FBXL7: variants seen among roughly 807,000 people sequenced by gnomAD.
FBXL7 encodes the protein F-box and leucine rich repeat protein 7.
In FBXL7, 12 loss-of-function variants were observed where a neutral mutation model predicts 38.3. That is an observed-to-expected ratio of 0.31 (90% CI 0.20 to 0.51). The LOEUF is 0.51. Ranked by LOEUF, FBXL7 falls within the 20% of genes least tolerant of loss-of-function variation. FBXL7 has a pLI of 0.98. For missense variants in FBXL7, 567 were observed against 676.4 expected (o/e 0.84, Z 1.79); for synonymous variants, 297 against 300.9 (o/e 0.99, Z 0.13).
At chr5:15,659,558 G>A (rs1014864261) in intron 2 of FBXL7, among the ~76,000 whole-genome samples, 6 of 152,030 alleles carry the variant, frequency 3.9e-5, no homozygotes, top group African/African-American at 1.2e-4. Context: ...ACAAAAACAT[G>A]GGGATTTAAA....
intron 2 of FBXL7, 54 bp downstream of exon 2, chr5:15,616,126 T>C: frequency 7.7e-7 from 1 of 1,296,526 alleles, no homozygotes; most frequent in Admixed American, 1.8e-5. Context: ...CTGGCTATTT[T>C]TGGAACAGAA....
intron 2 of FBXL7, among the ~76,000 whole-genome samples, chr5:15,702,448 T>C (rs1743555918): frequency 6.6e-6 from 1 of 152,190 alleles, no homozygotes; most frequent in South Asian, 2.1e-4. Flanking sequence ...ATTGAGTGTC[T>C]GGGAGAACTA....
intron 1 of FBXL7, among the ~76,000 whole-genome samples, chr5:15,541,181 A>G (rs1193504879): frequency 6.6e-6 from 1 of 151,592 alleles, no homozygotes; most frequent in East Asian, 1.9e-4. Context: ...ATCCTCCAGC[A>G]TGAATCTCTT....
At chr5:15,807,253 C>T (rs1201310024) in intron 2 of FBXL7, among the ~76,000 whole-genome samples, 1 of 152,148 alleles carries the variant, frequency 6.6e-6, no homozygotes, top group Non-Finnish European at 1.5e-5. Context: ...GATTGCGTTT[C>T]TAAACAGTAA....
intron 2 of FBXL7, among the ~76,000 whole-genome samples, chr5:15,801,207 C>T (rs764302517): frequency 7.9e-5 from 12 of 152,168 alleles, no homozygotes; most frequent in African/African-American, 9.6e-5. Flanking sequence ...TACCTGGGTC[C>T]GTGTTTGATT....
chr5:15,800,647 G>A (rs141351273), intron 2 of FBXL7, among the ~76,000 whole-genome samples: 1 of 152,134 alleles, frequency 6.6e-6, no homozygotes, highest in African/African-American at 2.4e-5. Flanking sequence ...ACTCAATAAG[G>A]TGAAACATAT....
chr5:15,583,324 C>G lies in FBXL7; in HGVS notation c.38-32659C>G, dbSNP rs182244634. 8.5e-5 allele frequency among the ~76,000 whole-genome samples: 13 copies of G among 152,266 alleles called. No homozygotes were observed. In the East Asian group the frequency reaches 2.5e-3, roughly 29 times the overall value. ...AGAACCAAACCATATCATTCTGCTC[C>G]TGGCCCCTCCCAAATCTCTTTCCAA... On this transcript the variant is annotated intron_variant, in intron 1 of 3. Coordinates refer to ENST00000504595, the MANE Select transcript of FBXL7 (RefSeq NM_012304.5).
At chr5:15,772,435 T>G (rs561259770) in intron 2 of FBXL7, among the ~76,000 whole-genome samples, 1 of 152,176 alleles carries the variant, frequency 6.6e-6, no homozygotes, top group Non-Finnish European at 1.5e-5. Context: ...ACCCTCTCTT[T>G]CCATGGCATA....
chr5:15,836,401 A>G (rs1738594064), intron 2 of FBXL7, among the ~76,000 whole-genome samples: 1 of 152,220 alleles, frequency 6.6e-6, no homozygotes, highest in African/African-American at 2.4e-5. Context: ...AAGAAAAAGA[A>G]AAACTAGATC....
chr5:15,644,174 T>C (rs761297534), intron 2 of FBXL7, among the ~76,000 whole-genome samples: 1 of 151,860 alleles, frequency 6.6e-6, no homozygotes, highest in Non-Finnish European at 1.5e-5. Flanking sequence ...AAAATGATAA[T>C]GACGCCAGGC....
intron 3 of FBXL7, among the ~76,000 whole-genome samples, chr5:15,930,110 G>T (rs192491012): frequency 1.3e-5 from 2 of 152,310 alleles, no homozygotes; most frequent in East Asian, 3.9e-4. Context: ...ACTTCAGTTG[G>T]CTTCAAGACA....
intron 1 of FBXL7, among the ~76,000 whole-genome samples, chr5:15,588,384 A>ATT (rs369831084): frequency 0.06 from 8,300 of 137,650 alleles, 446 homozygotes; most frequent in African/African-American, 0.14. Flanking sequence ...CTATGTTGTA[A>ATT]TTTTTTTTTT....
intron 2 of FBXL7, among the ~76,000 whole-genome samples, chr5:15,768,411 G>T (rs911471212): frequency 2.0e-5 from 3 of 151,862 alleles, no homozygotes; most frequent in African/African-American, 4.8e-5. Context: ...GGCACTTCTT[G>T]TCCCAGCTAC....
chr5:15,661,506 A>AAT (rs1742068235), intron 2 of FBXL7, among the ~76,000 whole-genome samples: 1 of 152,156 alleles, frequency 6.6e-6, no homozygotes, highest in Admixed American at 6.6e-5. Flanking sequence ...GTCTTCAAAT[A>AAT]ATATATAGTT....
intron 2 of FBXL7, among the ~76,000 whole-genome samples, chr5:15,757,362 C>A (rs191499626): frequency 1.3e-5 from 2 of 152,150 alleles, no homozygotes; most frequent in African/African-American, 4.8e-5. Flanking sequence ...TGGGCACTTA[C>A]ATTCCTTTGC....
At chr5:15,652,385 G>A (rs1222902032) in intron 2 of FBXL7, among the ~76,000 whole-genome samples, 2 of 152,068 alleles carry the variant, frequency 1.3e-5, no homozygotes, top group African/African-American at 4.8e-5. Context: ...TCCTGCCTCA[G>A]CCTCCCGAGT....
At position 15,589,925 on chromosome 5, in the gene FBXL7, A is replaced by T. The variant is rs750639929; in HGVS notation, c.38-26058A>T. 4.6e-5 allele frequency among the ~76,000 whole-genome samples: 7 copies of T among 152,190 alleles called. 1 individual carries two copies. Among genetic ancestry groups the T allele is most frequent in the Non-Finnish European group, 1.0e-4 (7 of 68,028 alleles). The stretch of plus-strand genomic sequence containing the variant: ...TCTCCATCTGCTCTGCAGCTCATGA[A>T]TGTTGCTGTGAATAATTGCCTTCAC... On this transcript the variant is annotated intron_variant, in intron 1 of 3. Transcript: ENST00000504595.
intron 2 of FBXL7, among the ~76,000 whole-genome samples, chr5:15,866,976 TA>T (rs1295684625): frequency 1.3e-5 from 2 of 152,166 alleles, no homozygotes; most frequent in Admixed American, 1.3e-4. Context: ...ACTTGAGAGT[TA>T]AGTTAGAAAC....
intron 2 of FBXL7, among the ~76,000 whole-genome samples, chr5:15,839,677 G>T (rs1026272299): frequency 2.0e-5 from 3 of 151,744 alleles, no homozygotes; most frequent in African/African-American, 4.8e-5. Flanking sequence ...AGTAATAAAG[G>T]CGTTACATTT....
Sources: gnomAD v4.1 joint callset for allele counts (sites outside exome capture counted in the v4.1 genomes callset) on GRCh38, gnomAD v4.1.1 for gene constraint, MANE v1.5 for transcripts, NCBI Gene and HGNC (gene_info 2026-07-23, HGNC 2026-07-21) for gene names.